The following GARS1 variants were observed in gnomAD, a reference collection of about 807,000 sequenced individuals.
GARS1 encodes the protein glycine--tRNA ligase.
A neutral mutation model predicts 86.4 loss-of-function variants in GARS1; 46 were observed. That is an observed-to-expected ratio of 0.53 (90% CI 0.42 to 0.68). The LOEUF is 0.68. GARS1 is among the 30% of genes least tolerant of loss of function. The probability of loss-of-function intolerance (pLI) is 0.00; values close to 1 mark genes in which losing one functional copy is unlikely to be tolerated. For synonymous variants in GARS1, 342 were observed against 329.8 expected, an observed-to-expected ratio of 1.04 and a Z score of -0.40; for missense variants, 797 against 915.6, an observed-to-expected ratio of 0.87 and a Z score of 1.67.
intron 9 of GARS1, 59 bp from the exon 10 acceptor site, chr7:30,617,055 G>T: frequency 6.4e-7 from 1 of 1,563,764 alleles, no homozygotes. Context: ...TCTTGGCTTT[G>T]AAGAGTATTA....
chr7:30,616,446 T>TATAA (rs1482194879), intron 9 of GARS1, among the ~76,000 whole-genome samples: 12 of 152,310 alleles, frequency 7.9e-5, no homozygotes, highest in African/African-American at 2.9e-4. Context: ...AATAAGGCCT[T>TATAA]GCATATAAGC....
intron 6 of GARS1, among the ~76,000 whole-genome samples, chr7:30,606,175 T>G (rs1478445756): frequency 6.6e-6 from 1 of 152,208 alleles, no homozygotes; most frequent in Admixed American, 6.5e-5. Flanking sequence ...TTAAGTGGTG[T>G]TATGGACTTC....
intron 8 of GARS1, among the ~76,000 whole-genome samples, chr7:30,612,635 G>C (rs1028966887): frequency 9.9e-5 from 15 of 152,190 alleles, no homozygotes; most frequent in African/African-American, 3.1e-4. Context: ...GTTGTGGCAG[G>C]AGGATTGTTC....
intron 4 of GARS1, among the ~76,000 whole-genome samples, 189 bp downstream of exon 4, chr7:30,601,389 TG>T (rs1397827337): frequency 2.6e-5 from 4 of 152,236 alleles, no homozygotes; most frequent in Non-Finnish European, 5.9e-5. Flanking sequence ...AAGATGATTG[TG>T]TTTGTCCTTC....
At chr7:30,616,379 C>G (rs567070573) in intron 9 of GARS1, among the ~76,000 whole-genome samples, 11 of 152,304 alleles carry the variant, frequency 7.2e-5, no homozygotes, top group African/African-American at 2.4e-4. Context: ...CAGCATTGGA[C>G]CCACAGAAAG....
intron 12 of GARS1, among the ~76,000 whole-genome samples, chr7:30,623,584 G>C (rs1783063437): frequency 6.6e-6 from 1 of 152,170 alleles, no homozygotes; most frequent in Admixed American, 6.5e-5. Context: ...CTGGGAAAAA[G>C]ATGTCCAGTG....
Position 30,603,054 on chromosome 7 carries a change from A to T in GARS1, c.590A>T (p.Lys197Ile). The change falls in exon 5 of 17, where the codon AAA becomes ATA. Residue 197 changes from lysine to isoleucine, a missense_variant. Physicochemically the swap from Lys to Ile is moderately radical, Grantham distance 102. Around this residue, in one of 2 missense-constraint regions of GARS1, gnomAD observed 598 missense variants for 738.7 expected, o/e 0.81. Transcript: ENST00000389266. ...PVLKTSGHVD[K>I]FADFMVKDVK... ...TTTAGGACCTCTGGCCATGTAGACA[A>T]ATTTGCTGACTTCATGGTGAAAGAC... 6.2e-7 allele frequency: 1 copy of T among 1,613,850 alleles called. No individual in the cohort carries two copies. Among genetic ancestry groups the T allele is most frequent in the Non-Finnish European group, 8.5e-7 (1 of 1,179,840 alleles).
intron 14 of GARS1, among the ~76,000 whole-genome samples, chr7:30,629,561 A>G (rs1783196784): frequency 6.6e-6 from 1 of 152,240 alleles, no homozygotes; most frequent in South Asian, 2.1e-4. Flanking sequence ...CTAAAGCTTG[A>G]GTGTACGTAA....
At chr7:30,614,810 A>G (rs1782856738) in intron 8 of GARS1, among the ~76,000 whole-genome samples, 2 of 149,214 alleles carry the variant, frequency 1.3e-5, no homozygotes, top group Admixed American at 1.4e-4. Flanking sequence ...CGGGAGGCGG[A>G]GCTTGCAGTG....
rs755352374 is a variant in GARS1, at chr7:30,632,268, G to T, written c.1925G>T (p.Gly642Val). 2 of 1,614,116 alleles carry T rather than the reference G, an allele frequency of 1.2e-6. No homozygotes were observed. Among genetic ancestry groups the T allele is most frequent in the South Asian group, 2.2e-5 (2 of 91,072 alleles). The change falls in exon 16 of 17, where the codon GGA (glycine) becomes GTA (valine). Residue 642 changes from glycine to valine, a missense_variant. By Grantham distance (109) the Gly-to-Val change is moderately radical (BLOSUM62 -3). Around this residue, in one of 2 missense-constraint regions of GARS1, gnomAD observed 598 missense variants for 738.7 expected, o/e 0.81. Coordinates refer to ENST00000389266, the MANE Select transcript of GARS1 (RefSeq NM_002047.4). The surrounding 1 kb of genome is among the most constrained non-coding windows in gnomAD (Gnocchi z 4.1). ...ATAGCGGAAGCCCTGACCAGGCATG[G>T]AGTATCTCACAAAGTAGACGATTCC... ...KELSEALTRH[G>V]VSHKVDDSSG...
At chr7:30,626,153 T>C (rs1197468872) in intron 12 of GARS1, 81 bp from the exon 13 acceptor site, 1 of 785,864 alleles carries the variant, frequency 1.3e-6, no homozygotes, top group East Asian at 2.5e-5. Flanking sequence ...AAAAACAACT[T>C]AGCAATCTAC....
intron 9 of GARS1, 100 bp downstream of exon 9, chr7:30,616,158 G>A: frequency 7.5e-7 from 1 of 1,337,574 alleles, no homozygotes; most frequent in South Asian, 1.2e-5. Context: ...TTTTATTTTG[G>A]CAGTCATTTG....
At position 30,627,323 on chromosome 7, in the gene GARS1, A is replaced by T. The variant is rs143938920; in HGVS notation, c.1699+1004A>T. The T allele has an allele frequency of 3.8e-4, 72 of 190,248 alleles. 1 individual carries two copies. The East Asian group carries it at 8.2e-3, about 22-fold the overall frequency. 11.8% of individuals were successfully genotyped at this position (190,248 alleles called of 1,614,324 possible). A position where few individuals can be genotyped will look rare whatever the true frequency, so the allele number is the denominator to read the frequency against. Reference sequence around the variant, plus strand: ...CACAGTCTGGGGCTTTATAGCCATGATCCTGGCAGCTGGTTCAGAGCTGCA... The same window carrying T: ...CACAGTCTGGGGCTTTATAGCCATGTTCCTGGCAGCTGGTTCAGAGCTGCA... On this transcript the variant is annotated intron_variant, in intron 13 of 16. Transcript: ENST00000389266.
intron 12 of GARS1, among the ~76,000 whole-genome samples, chr7:30,625,920 A>G (rs1308609537): frequency 6.6e-6 from 1 of 152,188 alleles, no homozygotes; most frequent in Non-Finnish European, 1.5e-5. Context: ...CTAAAACTGA[A>G]TTTTCAAAAA....
intron 7 of GARS1, 124 bp from the exon 8 acceptor site, chr7:30,611,972 G>A (rs999336580): frequency 1.1e-5 from 9 of 853,650 alleles, no homozygotes; most frequent in Non-Finnish European, 1.8e-5. Flanking sequence ...TCATTTTAGG[G>A]CCTGTTCAAC....
chr7:30,632,452 CTT>C lies in GARS1; in HGVS notation c.2094+17_2094+18del. ...TAAGAGCAGAGGTATCTGGCCTTCT[CTT>C]TGGCATTTTTAGCCTTAGAAATGTG... is the stretch of plus-strand genomic sequence containing the variant. On this transcript the variant is annotated intron_variant, in intron 16 of 16. Transcript: ENST00000389266. The surrounding 1 kb of genome is among the most constrained non-coding windows in gnomAD (Gnocchi z 4.1). The C allele has an allele frequency of 6.2e-7, 1 of 1,613,854 alleles. No homozygotes were observed. Among genetic ancestry groups the C allele is most frequent in the African/African-American group, 1.3e-5 (1 of 75,028 alleles).
intron 6 of GARS1, 46 bp from the exon 7 acceptor site, chr7:30,609,539 C>T (rs555855628): frequency 1.3e-6 from 2 of 1,533,658 alleles, no homozygotes; most frequent in African/African-American, 1.4e-5. Context: ...TATCTTATGC[C>T]TTGTTTTCTC....
chr7:30,623,160 C>G (rs1270039082), intron 12 of GARS1, among the ~76,000 whole-genome samples: 1 of 149,814 alleles, frequency 6.7e-6, no homozygotes, highest in East Asian at 1.9e-4. Context: ...ACAACAAAAT[C>G]CAGCACTGAA....
chr7:30,599,107 C>G (rs970797847), intron 2 of GARS1, among the ~76,000 whole-genome samples: 1 of 152,146 alleles, frequency 6.6e-6, no homozygotes, highest in African/African-American at 2.4e-5. Context: ...TTTAATAAAG[C>G]CTTCCTGACC....
Sources: allele counts gnomAD v4.1 joint callset (sites outside exome capture counted in the v4.1 genomes callset), GRCh38; gene constraint gnomAD v4.1.1; regional missense constraint gnomAD v4.1.1; non-coding constraint Gnocchi (gnomAD v3.1); transcripts MANE v1.5; gene names NCBI Gene and HGNC (gene_info 2026-07-23, HGNC 2026-07-21).